The following SUPT3H variants were observed in gnomAD, a reference collection of about 807,000 sequenced individuals.
The protein encoded by SUPT3H is SPT3 homolog, SAGA and STAGA complex component, also known as transcription initiation protein SPT3 homolog.
A neutral mutation model predicts 44.3 loss-of-function variants in SUPT3H; 44 were observed. The observed-to-expected ratio is 0.99, with a 90% CI of 0.78 to 1.28. SUPT3H has a LOEUF of 1.28. Ranked by LOEUF, SUPT3H falls within the 50% of genes most tolerant of loss-of-function variation. The pLI is 0.00. For missense variants in SUPT3H, 380 were observed against 387.1 expected, an observed-to-expected ratio of 0.98 and a Z score of 0.15; for synonymous variants, 124 against 125.6, an observed-to-expected ratio of 0.99 and a Z score of 0.09.
At chr6:45,224,350 T>C (rs1306586248) in intron 2 of SUPT3H, among the ~76,000 whole-genome samples, 1 of 152,144 alleles carries the variant, frequency 6.6e-6, no homozygotes, top group Non-Finnish European at 1.5e-5. Context: ...AACTATGACA[T>C]GCTGAAAGAA....
At chr6:44,902,587 T>C (rs1419198272) in intron 10 of SUPT3H, among the ~76,000 whole-genome samples, 1 of 152,096 alleles carries the variant, frequency 6.6e-6, no homozygotes, top group Non-Finnish European at 1.5e-5. Flanking sequence ...AATGGGAGAC[T>C]TTAACACCCC....
Position 44,861,644 on chromosome 6 carries a change from C to T in SUPT3H, c.913-31787G>A, listed in dbSNP as rs1190050343. On this transcript the variant is annotated intron_variant, in intron 10 of 10. Coordinates refer to ENST00000371459, the MANE Select transcript of SUPT3H (RefSeq NM_003599.4). ...TCAGGTGATTCACCTGCTTCAGCCT[C>T]CCAAAGTGCTGGGATTACAGATGTG... 2.0e-5 allele frequency among the ~76,000 whole-genome samples: 3 copies of T among 152,252 alleles called. No homozygotes were observed. The East Asian group carries it at 5.8e-4, about 29-fold the overall frequency.
chr6:45,234,114 T>C (rs1396907682), intron 2 of SUPT3H, among the ~76,000 whole-genome samples: 1 of 152,198 alleles, frequency 6.6e-6, no homozygotes, highest in East Asian at 1.9e-4. Flanking sequence ...AAAATCCCCT[T>C]TTCCTATGTA....
intron 2 of SUPT3H, among the ~76,000 whole-genome samples, chr6:45,181,613 A>C (rs191927485): frequency 0.017 from 2,647 of 151,350 alleles, 49 homozygotes; most frequent in South Asian, 0.085. Context: ...AACCATCGCA[A>C]GGACAAAAAA....
intron 2 of SUPT3H, among the ~76,000 whole-genome samples, chr6:45,346,970 G>GT (rs1791012217): frequency 6.6e-6 from 1 of 152,168 alleles, no homozygotes; most frequent in African/African-American, 2.4e-5. Context: ...AAGGGACGTG[G>GT]TAACAGCTAA....
chr6:45,115,931 C>T (rs1038653840), intron 2 of SUPT3H, among the ~76,000 whole-genome samples: 6 of 152,066 alleles, frequency 3.9e-5, no homozygotes, highest in Admixed American at 3.3e-4. Context: ...CCAGTAAACA[C>T]ACCCTTGAGT....
At chr6:44,928,900 AAAAAG>A (rs1307330706) in intron 10 of SUPT3H, among the ~76,000 whole-genome samples, 1,938 of 88,250 alleles carry the variant, frequency 0.022, 157 homozygotes, top group Middle Eastern at 0.056. Context: ...AAAAAAAAAA[AAAAAG>A]AAAAGAAAAG....
In SUPT3H at chr6:45,377,880, G is replaced by C. The variant is rs1797047577; in HGVS notation, c.-113C>G. The C allele has an allele frequency of 6.5e-6, 1 of 153,422 alleles. No individual in the cohort carries two copies. 9.5% of individuals were successfully genotyped at this position (153,422 alleles called of 1,614,324 possible). A position where few individuals can be genotyped will look rare whatever the true frequency, so the allele number is the denominator to read the frequency against. On this transcript the variant is annotated 5_prime_UTR_variant, in exon 1 of 11. Transcript: ENST00000371459. ...CCCGGGACACGCTTGGAAAGGGGCG[G>C]GGTGGGGGACTGAGAGTGTGGAGTG...
rs1328959740 is a variant in SUPT3H at position 45,299,765 on chromosome 6, A to T, written c.101+65436T>A. Among the ~76,000 whole-genome samples, 4 of 151,956 alleles carry T rather than the reference A, an allele frequency of 2.6e-5. No homozygotes were observed. In the East Asian group the frequency reaches 5.8e-4, roughly 22 times the overall value. Reference sequence around the variant, plus strand: ...CCCCGGCTCTGCCAAAAAAAAAAAAAAATTAATTAATTAACAGTATCATGT... The same window carrying T: ...CCCCGGCTCTGCCAAAAAAAAAAAATAATTAATTAATTAACAGTATCATGT... On this transcript the variant is annotated intron_variant, in intron 2 of 10. Transcript: ENST00000371459.
intron 3 of SUPT3H, among the ~76,000 whole-genome samples, chr6:45,063,021 C>A (rs1277400406): frequency 6.6e-6 from 1 of 151,012 alleles, no homozygotes; most frequent in African/African-American, 2.5e-5. Context: ...CACAGACAAA[C>A]AAAAAGACAG....
At chr6:45,098,611 A>G in intron 3 of SUPT3H, 1 of 336,742 alleles carries the variant, frequency 3.0e-6, no homozygotes, top group South Asian at 2.9e-5. Flanking sequence ...GCCAATCAGA[A>G]TATTATGGAA....
chr6:45,375,213 TAA>T (rs2150325578), intron 1 of SUPT3H, among the ~76,000 whole-genome samples: 1 of 152,182 alleles, frequency 6.6e-6, no homozygotes, highest in South Asian at 2.1e-4. Context: ...ATCTCAAAAA[TAA>T]TAAAGTATTT....
chr6:45,279,780 T>C (rs746721882), intron 2 of SUPT3H, among the ~76,000 whole-genome samples: 1 of 152,212 alleles, frequency 6.6e-6, no homozygotes, highest in Non-Finnish European at 1.5e-5. Flanking sequence ...AAGACATCTA[T>C]AAAAGCTATC....
intron 2 of SUPT3H, among the ~76,000 whole-genome samples, chr6:45,331,375 G>A (rs536443945): frequency 3.3e-5 from 5 of 152,032 alleles, no homozygotes; most frequent in East Asian, 1.9e-4. Flanking sequence ...AACATGATGT[G>A]TGAACACTGA....
intron 2 of SUPT3H, among the ~76,000 whole-genome samples, chr6:45,151,771 T>C (rs1010164928): frequency 6.6e-6 from 1 of 152,200 alleles, no homozygotes; most frequent in African/African-American, 2.4e-5. Flanking sequence ...AAGTATTGTC[T>C]ACCAATAGGC....
intron 3 of SUPT3H, among the ~76,000 whole-genome samples, chr6:45,081,372 A>G (rs1795791341): frequency 6.6e-6 from 1 of 152,046 alleles, no homozygotes; most frequent in African/African-American, 2.4e-5. Context: ...TTGCTCATGT[A>G]TCATCTTCTC....
intron 2 of SUPT3H, among the ~76,000 whole-genome samples, chr6:45,123,215 T>A (rs1185775482): frequency 1.3e-5 from 2 of 152,148 alleles, no homozygotes; most frequent in East Asian, 3.9e-4. Context: ...CAAGTCCTTG[T>A]GAACTCCAAA....
chr6:45,182,541 C>A (rs531179237), intron 2 of SUPT3H, among the ~76,000 whole-genome samples: 3 of 152,236 alleles, frequency 2.0e-5, no homozygotes, highest in African/African-American at 7.2e-5. Flanking sequence ...GGATTACAGG[C>A]GTGAGCCACC....
Position 45,001,620 on chromosome 6 carries a change from A to G in SUPT3H, c.504+2033T>C, listed in dbSNP as rs565133228. Among the ~76,000 whole-genome samples, 27 of 152,204 alleles carry G rather than the reference A, an allele frequency of 1.8e-4. No individual in the cohort carries two copies. The Middle Eastern group carries it at 0.01, about 58-fold the overall frequency. On this transcript the variant is annotated intron_variant, in intron 6 of 10. Coordinates refer to ENST00000371459, the MANE Select transcript of SUPT3H (RefSeq NM_003599.4). ...AAGCTAGAATACCAAGTGAGTTTTT[A>G]TATCTATAAAGAAGAAAGAAAACTA...
Sources: allele counts gnomAD v4.1 joint callset (sites outside exome capture counted in the v4.1 genomes callset), GRCh38; gene constraint gnomAD v4.1.1; transcripts MANE v1.5; gene names NCBI Gene and HGNC (gene_info 2026-07-23, HGNC 2026-07-21).